Variants in TMPRSS13 observed in about 807,000 individuals in gnomAD.
The protein encoded by TMPRSS13 is transmembrane protease serine 13.
In TMPRSS13, 50 loss-of-function variants were observed where a neutral mutation model predicts 68.4. That is an observed-to-expected ratio of 0.73 (90% confidence interval 0.58 to 0.93). TMPRSS13 has a LOEUF of 0.93. Among genes scored for constraint, TMPRSS13 ranks in the 40% least tolerant of loss-of-function variants. The probability of loss-of-function intolerance (pLI) is 0.00; values close to 1 mark genes in which losing one functional copy is unlikely to be tolerated. For synonymous variants in TMPRSS13, 267 were observed against 285.8 expected (o/e 0.93, Z 0.66); for missense variants, 615 against 729.2 (o/e 0.84, Z 1.80).
chr11:117,911,603 T>A (rs2057523972), intron 6 of TMPRSS13, among the ~76,000 whole-genome samples, 165 bp downstream of exon 6: 1 of 152,144 alleles, frequency 6.6e-6, no homozygotes, highest in Non-Finnish European at 1.5e-5. Flanking sequence ...CAGAAGGCAG[T>A]TTGGTGAATA....
Position 117,902,230 on chromosome 11 carries a change from G to A in TMPRSS13, c.*9C>T. On this transcript the variant is annotated 3_prime_UTR_variant, in exon 13 of 13. Transcript: ENST00000524993. Reference sequence around the variant, plus strand: ...CAGCCGGTGCTGTGCAGAGCAGCAGGCCAGCTGGTTAGGATTTTCTGAATC... The same window carrying A: ...CAGCCGGTGCTGTGCAGAGCAGCAGACCAGCTGGTTAGGATTTTCTGAATC... 1 of 1,613,304 alleles carries A rather than the reference G, an allele frequency of 6.2e-7. No homozygotes were observed. Among genetic ancestry groups the A allele is most frequent in the Non-Finnish European group, 8.5e-7 (1 of 1,179,828 alleles).
chr11:117,916,887 C>T (rs1169453498), intron 3 of TMPRSS13, among the ~76,000 whole-genome samples: 2 of 152,292 alleles, frequency 1.3e-5, no homozygotes, highest in Non-Finnish European at 2.9e-5. Flanking sequence ...AGAAACTGAG[C>T]TCAGGGTGGT....
At chr11:117,910,048 T>C in intron 7 of TMPRSS13, 80 bp from the exon 8 acceptor site, 1 of 1,550,644 alleles carries the variant, frequency 6.4e-7, no homozygotes. Context: ...ATGCCTCTGC[T>C]GTGCTCCCAG....
chr11:117,907,991 C>T, intron 9 of TMPRSS13: 1 of 989,258 alleles, frequency 1.0e-6, no homozygotes, highest in Non-Finnish European at 1.2e-6. Flanking sequence ...TGTGTAGCCT[C>T]CTTTGGTCCT....
Position 117,908,609 on chromosome 11 carries a change from C to T in TMPRSS13, c.1282+3G>A. 9 of 1,557,912 alleles carry T rather than the reference C, an allele frequency of 5.8e-6. No individual in the cohort carries two copies. The highest frequency in any genetic ancestry group is 7.8e-6 in the Non-Finnish European group (9 of 1,151,190). On this transcript the variant is annotated splice_donor_region_variant and intron_variant, in intron 9 of 12. Transcript: ENST00000524993. The stretch of plus-strand genomic sequence containing the variant: ...GGAGAGCGGGGAGTGCAGATTCCCT[C>T]ACCGGACAGGGTCAGGGGCTTGGAC...
chr11:117,921,656 GGCGACACATCCGAA>G (rs2057649977), intron 1 of TMPRSS13, among the ~76,000 whole-genome samples: 1 of 152,218 alleles, frequency 6.6e-6, no homozygotes, highest in Admixed American at 6.5e-5. Flanking sequence ...CTGCAGAAAG[GGCGACACATCCGAA>G]AGTGGGATGG....
Position 117,908,614 on chromosome 11 carries a change from G to A in TMPRSS13, c.1280C>T (p.Ser427Phe). ...GCGGGGAGTGCAGATTCCCTCACCGGACAGGGTCAGGGGCTTGGACAGCCG... is the reference window on the plus strand; with the variant it reads ...GCGGGGAGTGCAGATTCCCTCACCGAACAGGGTCAGGGGCTTGGACAGCCG... ...LMRLSKPLTLSAHIHPACLPM... is the reference protein window; with the variant it reads ...LMRLSKPLTLFAHIHPACLPM... Residue 427 changes from serine (S) to phenylalanine (F), a missense_variant and splice_region_variant, in exon 9 of 13, where the codon TCC becomes TTC. By Grantham distance (155) the Ser-to-Phe change is radical. Coordinates refer to ENST00000524993, the MANE Select transcript of TMPRSS13 (RefSeq NM_001077263.3). 1.3e-6 allele frequency: 2 copies of A among 1,560,500 alleles called. No homozygotes were observed. The highest frequency in any genetic ancestry group is 8.7e-7 in the Non-Finnish European group (1 of 1,152,520).
In TMPRSS13 at chr11:117,922,734, C is replaced by T. The variant is rs938855427; in HGVS notation, c.22-3896G>A. 6.6e-6 allele frequency among the ~76,000 whole-genome samples: 1 copy of T among 152,254 alleles called. No individual in the cohort carries two copies. The highest frequency in any genetic ancestry group is 1.5e-5 in the Non-Finnish European group (1 of 68,044). ...TCAGGGGCAGGTGCACAGGGTGGAG[C>T]AGGGGAGTGTGGTCAACTCTGAGCC... On this transcript the variant is annotated intron_variant, in intron 1 of 12. Coordinates refer to ENST00000524993, the MANE Select transcript of TMPRSS13 (RefSeq NM_001077263.3). The surrounding 1 kb of genome is among the most constrained non-coding windows in gnomAD (Gnocchi z 4.2).
chr11:117,924,081 G>A (rs1024101718), intron 1 of TMPRSS13, among the ~76,000 whole-genome samples: 14 of 151,432 alleles, frequency 9.2e-5, no homozygotes, highest in South Asian at 2.1e-4. Flanking sequence ...TGGTGGCGCC[G>A]GCCTGTAGTC....
chr11:117,928,516 G>C (rs1368460856), intron 1 of TMPRSS13, among the ~76,000 whole-genome samples: 1 of 152,172 alleles, frequency 6.6e-6, no homozygotes, highest in Non-Finnish European at 1.5e-5. Flanking sequence ...GAATTTGGAG[G>C]GGGCAGAAAA....
chr11:117,905,854 T>C (rs1321276290), intron 9 of TMPRSS13, 118 bp from the exon 10 acceptor site: 2 of 679,784 alleles, frequency 2.9e-6, no homozygotes, highest in Admixed American at 2.4e-5. Flanking sequence ...CATTAATCCT[T>C]GACTCTAGAG....
chr11:117,920,735 C>T (rs1020666042), intron 1 of TMPRSS13, among the ~76,000 whole-genome samples: 14 of 152,118 alleles, frequency 9.2e-5, no homozygotes, highest in East Asian at 7.7e-4. Context: ...ATGATCCACC[C>T]GCCTCAGCCT....
intron 1 of TMPRSS13, among the ~76,000 whole-genome samples, chr11:117,920,056 C>G (rs2057627569): frequency 6.6e-6 from 1 of 152,114 alleles, no homozygotes; most frequent in African/African-American, 2.4e-5. Flanking sequence ...GGCCCTGTGA[C>G]CTGCCAAGAC....
intron 1 of TMPRSS13, among the ~76,000 whole-genome samples, chr11:117,919,485 G>T (rs2057621340): frequency 6.6e-6 from 1 of 152,256 alleles, no homozygotes; most frequent in African/African-American, 2.4e-5. Flanking sequence ...AGAAGGCCCT[G>T]CCCTTCCCTC....
chr11:117,921,936 C>A (rs571834575), intron 1 of TMPRSS13, among the ~76,000 whole-genome samples: 3 of 152,166 alleles, frequency 2.0e-5, no homozygotes, highest in Non-Finnish European at 4.4e-5. Flanking sequence ...CCGCTCCACC[C>A]CCTGACTCTG....
intron 12 of TMPRSS13, chr11:117,902,989 A>T: frequency 2.0e-6 from 2 of 1,023,578 alleles, no homozygotes; most frequent in Non-Finnish European, 2.3e-6. Flanking sequence ...GTTTGACCTG[A>T]GCAATGACTT....
Position 117,922,516 on chromosome 11 carries a change from C to T in TMPRSS13, c.22-3678G>A, listed in dbSNP as rs1201891816. ...GTGCTGGGATTACAGGCGTGAGCCA[C>T]CGCGCCCAGCCGAGACTTCTTATCC... On this transcript the variant is annotated intron_variant, in intron 1 of 12. Coordinates refer to ENST00000524993, the MANE Select transcript of TMPRSS13 (RefSeq NM_001077263.3). The surrounding 1 kb of genome is among the most constrained non-coding windows in gnomAD (Gnocchi z 4.2). Among the ~76,000 whole-genome samples the T allele has an allele frequency of 6.6e-6, 1 of 152,202 alleles. No individual in the cohort carries two copies. The highest frequency in any genetic ancestry group is 1.5e-5 in the Non-Finnish European group (1 of 68,030).
chr11:117,910,530 G>T, intron 7 of TMPRSS13, 177 bp downstream of exon 7: 1 of 561,800 alleles, frequency 1.8e-6, no homozygotes, highest in Non-Finnish European at 3.1e-6. Context: ...AAGGGGAAAT[G>T]TTACCCTGGG....
chr11:117,924,020 A>T (rs11216630), intron 1 of TMPRSS13, among the ~76,000 whole-genome samples: 8,629 of 151,686 alleles, frequency 0.057, 335 homozygotes, highest in East Asian at 0.19. Context: ...GGTTGGGCAT[A>T]TCACAGGCTG....
Sources: allele counts gnomAD v4.1 joint callset (sites outside exome capture counted in the v4.1 genomes callset), GRCh38; gene constraint gnomAD v4.1.1; non-coding constraint Gnocchi (gnomAD v3.1); transcripts MANE v1.5; gene names NCBI Gene and HGNC (gene_info 2026-07-23, HGNC 2026-07-21).